Variants in HLA-DQA2 observed in about 807,000 individuals in gnomAD.
The protein encoded by HLA-DQA2 is major histocompatibility complex, class II, DQ alpha 2, also known as HLA class II histocompatibility antigen, DQ alpha 2 chain.
In HLA-DQA2, 17 loss-of-function variants were observed where a neutral mutation model predicts 21.0. The observed-to-expected ratio is 0.81, with a 90% CI of 0.56 to 1.22. The LOEUF is 1.22. Among genes scored for constraint, HLA-DQA2 ranks in the 50% most tolerant of loss-of-function variants. The probability of loss-of-function intolerance (pLI) is 0.00; values close to 1 mark genes in which losing one functional copy is unlikely to be tolerated. For missense variants in HLA-DQA2, 239 were observed against 308.8 expected (o/e 0.77, Z 1.69); for synonymous variants, 81 against 116.5 (o/e 0.70, Z 1.96).
Position 32,746,264 on chromosome 6 carries a change from C to T in HLA-DQA2, c.638C>T (p.Ser213Leu), listed in dbSNP as rs762184714. 1 of 1,613,116 alleles carries T rather than the reference C, an allele frequency of 6.2e-7. No individual in the cohort carries two copies. Among genetic ancestry groups the T allele is most frequent in the East Asian group, 2.2e-5 (1 of 44,886 alleles). Residue 213 changes from serine to leucine, a missense_variant, in exon 4 of 5, where the codon TCA becomes TTA. Transcript: ENST00000374940. ...GAGCCTGAGATTCCAGCCCCTATGTCAGAGCTCACAGAGACTTTGGTCTGC... is the reference window on the plus strand; with the variant it reads ...GAGCCTGAGATTCCAGCCCCTATGTTAGAGCTCACAGAGACTTTGGTCTGC... ...HWEPEIPAPM[S>L]ELTETLVCAL...
Position 32,746,940 on chromosome 6 carries a change from A to G in HLA-DQA2, c.*379A>G, listed in dbSNP as rs2113876956. ...TTTCATCTCAGGGCTGACTGAGAGCATAACTTAGAATGGGCGACTCTTATG... is the reference window on the plus strand; with the variant it reads ...TTTCATCTCAGGGCTGACTGAGAGCGTAACTTAGAATGGGCGACTCTTATG... On this transcript the variant is annotated 3_prime_UTR_variant, in exon 5 of 5. Transcript: ENST00000374940. 1 of 286,432 alleles carries G rather than the reference A, an allele frequency of 3.5e-6. No individual in the cohort carries two copies. Among genetic ancestry groups the G allele is most frequent in the African/African-American group, 2.3e-5 (1 of 42,706 alleles). 17.7% of individuals were successfully genotyped at this position (286,432 alleles called of 1,614,324 possible). A position where few individuals can be genotyped will look rare whatever the true frequency, so the allele number is the denominator to read the frequency against.
chr6:32,741,480 G>A lies in HLA-DQA2; in HGVS notation c.37G>A (p.Ala13Thr), dbSNP rs1349839206. The change falls in exon 1 of 5, where the codon GCC becomes ACC. Residue 13 changes from alanine (A) to threonine (T), a missense_variant. By Grantham distance (58) the Ala-to-Thr change is moderately conservative. Transcript: ENST00000374940. ...CAAAGCTCTGCTGCTGGGGGCCCTC[G>A]CCCTGACTGCCGTGATGAGCCCCTG... ...LNKALLLGALALTAVMSPCGG... is the reference protein window; with the variant it reads ...LNKALLLGALTLTAVMSPCGG... The A allele has an allele frequency of 3.7e-6, 6 of 1,613,968 alleles. No individual in the cohort carries two copies. The highest frequency in any genetic ancestry group is 1.3e-5 in the African/African-American group (1 of 74,922).
chr6:32,745,864 G>A lies in HLA-DQA2; in HGVS notation c.405G>A (p.Val135=), dbSNP rs1763544486. Residue 135 remains valine, a synonymous_variant, in exon 3 of 5, where the codon GTG becomes GTA. Transcript: ENST00000374940. Reference sequence around the variant, plus strand: ...AGCCCAACACCCTCATCTGTCTTGTGGACAACATCTTTCCTCCTGTGGTCA... The same window carrying A: ...AGCCCAACACCCTCATCTGTCTTGTAGACAACATCTTTCCTCCTGTGGTCA... ...LGQPNTLICL[V]DNIFPPVVNI... 1 of 1,613,126 alleles carries A rather than the reference G, an allele frequency of 6.2e-7. No homozygotes were observed. The highest frequency in any genetic ancestry group is 1.3e-5 in the African/African-American group (1 of 75,062).
chr6:32,747,045 G>A lies in HLA-DQA2; in HGVS notation c.*484G>A, dbSNP rs1465620227. ...GGAGCAACCAAGTACAGTGTATCCTGATAATTTGTTGATTTCTTAACTGGT... is the reference window on the plus strand; with the variant it reads ...GGAGCAACCAAGTACAGTGTATCCTAATAATTTGTTGATTTCTTAACTGGT... On this transcript the variant is annotated 3_prime_UTR_variant, in exon 5 of 5. Coordinates refer to ENST00000374940, the MANE Select transcript of HLA-DQA2 (RefSeq NM_020056.5). 1 of 186,162 alleles carries A rather than the reference G, an allele frequency of 5.4e-6. No individual in the cohort carries two copies. The highest frequency in any genetic ancestry group is 2.4e-5 in the African/African-American group (1 of 42,114). The allele number at this position is 186,162 out of a possible 1,614,324, so 11.5% of individuals were successfully genotyped here. A position where few individuals can be genotyped will look rare whatever the true frequency, so the allele number is the denominator to read the frequency against.
chr6:32,744,189 T>C (rs1350488810), intron 1 of HLA-DQA2, among the ~76,000 whole-genome samples: 1 of 152,148 alleles, frequency 6.6e-6, no homozygotes, highest in Non-Finnish European at 1.5e-5. Flanking sequence ...CACTTTTGGA[T>C]GCTCAGTAAA....
At chr6:32,742,311 T>C (rs1392174098) in intron 1 of HLA-DQA2, among the ~76,000 whole-genome samples, 1 of 152,004 alleles carries the variant, frequency 6.6e-6, no homozygotes, top group African/African-American at 2.4e-5. Flanking sequence ...AATTAAATTA[T>C]TTTATTCTCA....
At chr6:32,745,549 C>A (rs1012039796) in intron 2 of HLA-DQA2, 142 bp downstream of exon 2, 2 of 1,007,604 alleles carry the variant, frequency 2.0e-6, no homozygotes, top group East Asian at 2.4e-5. Context: ...ATCACATATT[C>A]CCATGTAATA....
At chr6:32,744,112 C>T (rs1478020056) in intron 1 of HLA-DQA2, among the ~76,000 whole-genome samples, 5 of 152,260 alleles carry the variant, frequency 3.3e-5, no homozygotes, top group African/African-American at 4.8e-5. Flanking sequence ...GCTCCCTTAC[C>T]GACCTGATTC....
chr6:32,744,129 T>C (rs986656290), intron 1 of HLA-DQA2, among the ~76,000 whole-genome samples: 1 of 152,200 alleles, frequency 6.6e-6, no homozygotes, highest in African/African-American at 2.4e-5. Context: ...ATTCTCCCAC[T>C]ATTCAGTTCA....
rs1562192455 is a variant in HLA-DQA2 at position 32,746,139 on chromosome 6, G to A, written c.613+67G>A. 3.4e-6 allele frequency: 5 copies of A among 1,454,212 alleles called. No individual in the cohort carries two copies. In the East Asian group the frequency reaches 8.7e-5, roughly 25 times the overall value. The allele number at this position is 1,454,212 out of a possible 1,614,324, so 90.1% of individuals were successfully genotyped here. A position where few individuals can be genotyped will look rare whatever the true frequency, so the allele number is the denominator to read the frequency against. ...ACTTCACTCTTCTCCCTAAGCCTGG[G>A]GCCTTGAGTCTTGCAGAGCCAGCCC... On this transcript the variant is annotated intron_variant, in intron 3 of 4. Transcript: ENST00000374940.
At chr6:32,742,022 G>A (rs998235727) in intron 1 of HLA-DQA2, among the ~76,000 whole-genome samples, 1 of 152,178 alleles carries the variant, frequency 6.6e-6, no homozygotes, top group Non-Finnish European at 1.5e-5. Context: ...ATGGGAATTG[G>A]CACAGGTGGG....
chr6:32,742,144 A>G (rs1319007955), intron 1 of HLA-DQA2, among the ~76,000 whole-genome samples: 3 of 152,238 alleles, frequency 2.0e-5, no homozygotes, highest in Non-Finnish European at 4.4e-5. Context: ...CTTATGATCA[A>G]ATAAAATGGG....
chr6:32,741,566 C>T (rs567649680), intron 1 of HLA-DQA2, 41 bp downstream of exon 1: 4 of 1,563,164 alleles, frequency 2.6e-6, no homozygotes, highest in Non-Finnish European at 3.5e-6. Flanking sequence ...AGCTGAAAAA[C>T]AGTAAATTAA....
In HLA-DQA2 at chr6:32,745,287, T is replaced by G. The variant is rs1392192751; in HGVS notation, c.211T>G (p.Leu71Val). Reference protein sequence around the residue: ...DLETKETVWQLPMFSKFISFD... With the variant: ...DLETKETVWQVPMFSKFISFD... The stretch of plus-strand genomic sequence containing the variant: ...GGAGACGAAAGAGACTGTCTGGCAG[T>G]TGCCTATGTTTAGCAAATTTATAAG... The change falls in exon 2 of 5, where the codon TTG becomes GTG. Residue 71 changes from leucine to valine, a missense_variant. By Grantham distance (32) the Leu-to-Val change is conservative (BLOSUM62 1). Coordinates refer to ENST00000374940, the MANE Select transcript of HLA-DQA2 (RefSeq NM_020056.5). 6.2e-7 allele frequency: 1 copy of G among 1,613,904 alleles called. No homozygotes were observed. The highest frequency in any genetic ancestry group is 1.3e-5 in the African/African-American group (1 of 74,874).
chr6:32,743,305 A>T (rs1763341864), intron 1 of HLA-DQA2, among the ~76,000 whole-genome samples: 1 of 152,248 alleles, frequency 6.6e-6, no homozygotes, highest in Non-Finnish European at 1.5e-5. Flanking sequence ...AGCCCTGGGC[A>T]TCCCTGATCC....
chr6:32,746,181 CCACA>C, intron 3 of HLA-DQA2, 55 bp from the exon 4 acceptor site: 1 of 1,590,878 alleles, frequency 6.3e-7, no homozygotes, highest in Non-Finnish European at 8.6e-7. Flanking sequence ...CCATCCCATC[CCACA>C]CACATGCACA....
chr6:32,746,558 G>A (rs1055658982), intron 4 of HLA-DQA2, 24 bp from the exon 5 acceptor site: 19 of 877,730 alleles, frequency 2.2e-5, no homozygotes, highest in Non-Finnish European at 2.4e-5. Context: ...CAGACCCATC[G>A]ATCTCATGTC....
At chr6:32,745,030 A>G in intron 1 of HLA-DQA2, 129 bp from the exon 2 acceptor site, 9 of 1,066,408 alleles carry the variant, frequency 8.4e-6, no homozygotes, top group Non-Finnish European at 4.1e-6. Flanking sequence ...AGGTGTTAGG[A>G]AGATTGTTCA....
chr6:32,745,350 G>T lies in HLA-DQA2; in HGVS notation c.274G>T (p.Gly92Ter). The T allele has an allele frequency of 1.3e-6, 2 of 1,562,428 alleles. No homozygotes were observed. Among genetic ancestry groups the T allele is most frequent in the Non-Finnish European group, 1.7e-6 (2 of 1,152,978 alleles). The stretch of plus-strand genomic sequence containing the variant: ...GAGTGCACTGAGAAATATGGCTGTG[G>T]GAAAACACACCTTGGAATTCATGAT... Reference protein sequence around the residue: ...PQSALRNMAVGKHTLEFMMRQ... With the variant: ...PQSALRNMAV The change falls in exon 2 of 5, where the codon GGA becomes TGA. Residue 92 changes from glycine (G) to a stop codon, truncating the protein, a stop_gained. Coordinates refer to ENST00000374940, the MANE Select transcript of HLA-DQA2 (RefSeq NM_020056.5). LOFTEE classifies it high-confidence loss of function.
Sources: allele counts gnomAD v4.1 joint callset (sites outside exome capture counted in the v4.1 genomes callset), GRCh38; gene constraint gnomAD v4.1.1; transcripts MANE v1.5; gene names NCBI Gene and HGNC (gene_info 2026-07-23, HGNC 2026-07-21).